The following CSMD1 variants were observed in gnomAD, a reference collection of about 807,000 sequenced individuals.
The protein encoded by CSMD1 is CUB and sushi domain-containing protein 1.
Under a neutral mutation model 417.5 loss-of-function variants are expected in CSMD1, and 213 were observed. The observed-to-expected ratio is 0.51, with a 90% CI of 0.46 to 0.57. The LOEUF is 0.57. CSMD1 is among the 20% of genes least tolerant of loss of function. The pLI is 0.00. For missense variants in CSMD1, 6,923 were observed against 4,529.7 expected (o/e 1.53, Z -15.17); for synonymous variants, 2,862 against 1,736.8 (o/e 1.65, Z -16.11).
At chr8:3,128,923 A>G (rs1339427654) in intron 41 of CSMD1, 1 of 445,160 alleles carries the variant, frequency 2.2e-6, no homozygotes, top group Non-Finnish European at 4.5e-6. Context: ...ACAAAGGGAA[A>G]GCAGATCTAA....
chr8:3,630,300 T>C (rs1174866077), intron 7 of CSMD1, among the ~76,000 whole-genome samples: 1 of 152,132 alleles, frequency 6.6e-6, no homozygotes, highest in Non-Finnish European at 1.5e-5. Flanking sequence ...ATGGAAAAGA[T>C]GGGCAGGAAT....
intron 7 of CSMD1, among the ~76,000 whole-genome samples, chr8:3,644,804 C>A (rs1797492071): frequency 6.6e-6 from 1 of 151,812 alleles, no homozygotes; most frequent in Non-Finnish European, 1.5e-5. Context: ...TACAGCATTT[C>A]CACTTAACAT....
At chr8:3,452,214 G>A (rs1033769068) in intron 12 of CSMD1, among the ~76,000 whole-genome samples, 12 of 152,176 alleles carry the variant, frequency 7.9e-5, no homozygotes, top group African/African-American at 2.9e-4. Context: ...AGGAGATTTT[G>A]GGCTGAGACA....
At chr8:3,427,339 A>C (rs945011289) in intron 12 of CSMD1, among the ~76,000 whole-genome samples, 1 of 152,212 alleles carries the variant, frequency 6.6e-6, no homozygotes, top group Non-Finnish European at 1.5e-5. Flanking sequence ...ATGAATCAGT[A>C]CTGATTTTTC....
At chr8:3,182,855 T>TGTGTGTGTGTGTGTGTGTGTGTGG in intron 36 of CSMD1, 1 of 107,754 alleles carries the variant, frequency 9.3e-6, no homozygotes, top group Non-Finnish European at 1.9e-5. Context: ...TGTGTGTGTG[T>TGTGTGTGTGTGTGTGTGTGTGTGG]GTGTGTGTGT....
At chr8:3,132,671 C>G (rs980445853) in intron 41 of CSMD1, among the ~76,000 whole-genome samples, 2 of 152,178 alleles carry the variant, frequency 1.3e-5, no homozygotes, top group Non-Finnish European at 2.9e-5. Context: ...TTCTGAATAG[C>G]TGCATCAAGA....
In CSMD1 at chr8:4,035,506, C is replaced by T. The variant is rs540719401; in HGVS notation, c.416-3407G>A. 9.6e-4 allele frequency among the ~76,000 whole-genome samples: 139 copies of T among 144,456 alleles called. 2 individuals carry two copies. The highest frequency in any genetic ancestry group is 3.9e-3 in the African/African-American group (135 of 34,864). The allele number at this position is 144,456 out of a possible 152,430, so 94.8% of individuals were successfully genotyped here. ...GAAAGCTCCATACCTGTCCTTGCCC[C>T]GAAGACCTTCTGGTGGGACAAGACG... On this transcript the variant is annotated intron_variant, in intron 3 of 69. Coordinates refer to ENST00000635120, the MANE Select transcript of CSMD1 (RefSeq NM_033225.6).
chr8:3,285,789 C>G (rs1443238681), intron 25 of CSMD1, among the ~76,000 whole-genome samples: 2 of 151,796 alleles, frequency 1.3e-5, no homozygotes, highest in Non-Finnish European at 2.9e-5. Flanking sequence ...TTATCACACA[C>G]TCTGAAGTTG....
intron 18 of CSMD1, among the ~76,000 whole-genome samples, chr8:3,383,318 G>C (rs117066862): frequency 0.011 from 1,744 of 152,240 alleles, 43 homozygotes; most frequent in East Asian, 0.083. Flanking sequence ...AAAGTTTTTA[G>C]GAGAGAACAA....
At chr8:3,891,049 G>C (rs988936412) in intron 5 of CSMD1, among the ~76,000 whole-genome samples, 1 of 147,770 alleles carries the variant, frequency 6.8e-6, no homozygotes, top group East Asian at 2.0e-4. Context: ...TTTTTTTTTT[G>C]TTTTATTTTA....
intron 3 of CSMD1, among the ~76,000 whole-genome samples, chr8:4,306,548 C>T (rs1240259681): frequency 6.6e-6 from 1 of 152,096 alleles, no homozygotes; most frequent in Admixed American, 6.6e-5. Flanking sequence ...AATTTTCTTC[C>T]TTATGCAAAA....
rs764380083 is a variant in CSMD1 at position 3,396,391 on chromosome 8, T to C, written c.2406-10A>G. Reference sequence around the variant, plus strand: ...GACCTCTGTCTGAAATCTGCAAATATATACATCCCATCAGAAAAGACATGC... The same window carrying C: ...GACCTCTGTCTGAAATCTGCAAATACATACATCCCATCAGAAAAGACATGC... On this transcript the variant is annotated splice_polypyrimidine_tract_variant and intron_variant, in intron 16 of 69. Transcript: ENST00000635120. 22 of 1,544,720 alleles carry C rather than the reference T, an allele frequency of 1.4e-5. No individual in the cohort carries two copies. The highest frequency in any genetic ancestry group is 1.7e-4 in the Middle Eastern group (1 of 5,764).
intron 16 of CSMD1, among the ~76,000 whole-genome samples, chr8:3,396,782 C>T (rs1046074774): frequency 2.0e-5 from 3 of 151,934 alleles, no homozygotes; most frequent in African/African-American, 7.3e-5. Context: ...CCCTATTTAA[C>T]ATAATTATAG....
chr8:3,677,014 G>T (rs922008137), intron 7 of CSMD1, among the ~76,000 whole-genome samples: 2 of 152,018 alleles, frequency 1.3e-5, no homozygotes, highest in African/African-American at 2.4e-5. Flanking sequence ...GGGGTTGGGG[G>T]CAAGGGGAGG....
At chr8:4,321,335 G>C (rs1454035511) in intron 3 of CSMD1, among the ~76,000 whole-genome samples, 1 of 152,022 alleles carries the variant, frequency 6.6e-6, no homozygotes, top group Admixed American at 6.6e-5. Context: ...ATGGCCATAC[G>C]TCTTCTCTCC....
At chr8:3,972,334 C>CT (rs1813145992) in intron 5 of CSMD1, among the ~76,000 whole-genome samples, 1 of 152,140 alleles carries the variant, frequency 6.6e-6, no homozygotes, top group Non-Finnish European at 1.5e-5. Flanking sequence ...AAGATTGTCA[C>CT]TTTTTCTCAA....
intron 1 of CSMD1, among the ~76,000 whole-genome samples, chr8:4,832,911 C>CT (rs1800237819): frequency 6.6e-6 from 1 of 152,072 alleles, no homozygotes; most frequent in Non-Finnish European, 1.5e-5. Context: ...CTCAAGCACT[C>CT]TAAGTTTAGT....
chr8:4,850,206 G>C (rs1008592929), intron 1 of CSMD1, among the ~76,000 whole-genome samples: 1 of 151,896 alleles, frequency 6.6e-6, no homozygotes, highest in Non-Finnish European at 1.5e-5. Flanking sequence ...TTTTTTAACT[G>C]GGTTATCTGT....
chr8:4,804,826 A>C (rs1301313248), intron 1 of CSMD1, among the ~76,000 whole-genome samples: 1 of 152,218 alleles, frequency 6.6e-6, no homozygotes, highest in Non-Finnish European at 1.5e-5. Flanking sequence ...ATGATTACTG[A>C]TACTATTTAA....
Sources: allele counts gnomAD v4.1 joint callset (sites outside exome capture counted in the v4.1 genomes callset), GRCh38; gene constraint gnomAD v4.1.1; transcripts MANE v1.5; gene names NCBI Gene and HGNC (gene_info 2026-07-23, HGNC 2026-07-21).